The following SPOCK2 variants were observed in gnomAD, a reference collection of about 807,000 sequenced individuals.
The protein encoded by SPOCK2 is testican-2.
In SPOCK2, 39 loss-of-function variants were observed where a neutral mutation model predicts 60.1. The observed-to-expected ratio is 0.65, with a 90% confidence interval of 0.50 to 0.85. SPOCK2 has a LOEUF of 0.85. SPOCK2 is among the 40% of genes least tolerant of loss of function. SPOCK2 has a pLI of 0.00. For missense variants in SPOCK2, 523 were observed against 567.4 expected, an observed-to-expected ratio of 0.92 and a Z score of 0.80; for synonymous variants, 217 against 231.5, an observed-to-expected ratio of 0.94 and a Z score of 0.57.
rs1316365654 is a variant in SPOCK2 at position 72,061,028 on chromosome 10, T to A, written c.*1732A>T. The A allele has an allele frequency of 6.5e-6, 1 of 153,030 alleles. No individual in the cohort carries two copies. Among genetic ancestry groups the A allele is most frequent in the Non-Finnish European group, 1.5e-5 (1 of 68,330 alleles). The allele number at this position is 153,030 out of a possible 1,614,324, so 9.5% of individuals were successfully genotyped here. On this transcript the variant is annotated 3_prime_UTR_variant, in exon 11 of 11. Coordinates refer to ENST00000373109, the MANE Select transcript of SPOCK2 (RefSeq NM_001244950.2). Reference sequence around the variant, plus strand: ...TCCTCACGCTCCCAGGCCACCAGGATGGCCCCCAGGTTCACACACAGGCAC... The same window carrying A: ...TCCTCACGCTCCCAGGCCACCAGGAAGGCCCCCAGGTTCACACACAGGCAC...
intron 6 of SPOCK2, 70 bp downstream of exon 6, chr10:72,068,117 C>G: frequency 6.6e-7 from 1 of 1,520,006 alleles, no homozygotes; most frequent in East Asian, 2.4e-5. Flanking sequence ...TTCTACCACC[C>G]TAGAGCCCTG....
chr10:72,075,406 G>T (rs1316480626), intron 1 of SPOCK2, among the ~76,000 whole-genome samples: 2 of 151,924 alleles, frequency 1.3e-5, no homozygotes, highest in Non-Finnish European at 2.9e-5. Flanking sequence ...ACCTGCCCCA[G>T]AGTGGAAGTA....
In SPOCK2 at chr10:72,088,383, T is replaced by C; in HGVS notation, c.-55A>G. On this transcript the variant is annotated 5_prime_UTR_variant, in exon 1 of 11. Coordinates refer to ENST00000373109, the MANE Select transcript of SPOCK2 (RefSeq NM_001244950.2). ...TGACTTCTGCAGTATTTTAATGTCC[T>C]TCCTCCCACCCCGCTGCTGGCGAAG... 4.8e-6 allele frequency: 7 copies of C among 1,451,858 alleles called. No individual in the cohort carries two copies. Among genetic ancestry groups the C allele is most frequent in the South Asian group, 1.4e-5 (1 of 70,422 alleles). The allele number at this position is 1,451,858 out of a possible 1,614,324, so 89.9% of individuals were successfully genotyped here. A position where few individuals can be genotyped will look rare whatever the true frequency, so the allele number is the denominator to read the frequency against.
chr10:72,072,853 G>T lies in SPOCK2; in HGVS notation c.198+49C>A, dbSNP rs772024162. The stretch of plus-strand genomic sequence containing the variant: ...TGTGGAGGGACACAGGAGGGGAGGG[G>T]GTGTGCTCTGCAGAGACCACACAGA... On this transcript the variant is annotated intron_variant, in intron 2 of 10. Transcript: ENST00000373109. The T allele has an allele frequency of 3.2e-6, 5 of 1,551,674 alleles. No individual in the cohort carries two copies. The South Asian group carries it at 5.9e-5, about 18-fold the overall frequency.
rs141043756 is a variant in SPOCK2 at position 72,062,871 on chromosome 10, G to T, written c.1164C>A (p.Ser388Arg). 29 of 1,600,884 alleles carry T rather than the reference G, an allele frequency of 1.8e-5. No homozygotes were observed. In the South Asian group the frequency reaches 3.1e-4, roughly 17 times the overall value. ...CCTCCTCATCCTCCCAGCCGACACC[G>T]CTTCCAAAGTCCCCCGAGAAGCCCA... ...DIVGFSGDFG[S>R]GVGWEDEEEK... is the part of the protein sequence containing the mutation. The change falls in exon 11 of 11, where the codon AGC becomes AGA. Residue 388 changes from serine to arginine, a missense_variant. Ser to Arg is a moderately radical substitution (Grantham distance 110). Coordinates refer to ENST00000373109, the MANE Select transcript of SPOCK2 (RefSeq NM_001244950.2). The surrounding 1 kb of genome is among the most constrained non-coding windows in gnomAD (Gnocchi z 4.3).
rs539984754 is a variant in SPOCK2, at chr10:72,075,102, G to A, written c.190-2192C>T. Among the ~76,000 whole-genome samples the A allele has an allele frequency of 2.0e-5, 3 of 152,278 alleles. No homozygotes were observed. In the East Asian group the frequency reaches 5.8e-4, roughly 29 times the overall value. On this transcript the variant is annotated intron_variant, in intron 1 of 10. Coordinates refer to ENST00000373109, the MANE Select transcript of SPOCK2 (RefSeq NM_001244950.2). ...TCCCTCGTTTGCTAAAACCAACGAA[G>A]CCTTCTCCAGGAGCTCCTCAGGGTT...
Position 72,075,433 on chromosome 10 carries a change from C to A in SPOCK2, c.190-2523G>T, listed in dbSNP as rs184669573. On this transcript the variant is annotated intron_variant, in intron 1 of 10. Transcript: ENST00000373109. Reference sequence around the variant, plus strand: ...GTGGAAGTAGGGAAGGTGCCTCCAGCCCCTGGGTGTCATCTGAGGCCCCTG... The same window carrying A: ...GTGGAAGTAGGGAAGGTGCCTCCAGACCCTGGGTGTCATCTGAGGCCCCTG... Among the ~76,000 whole-genome samples, 313 of 152,302 alleles carry A rather than the reference C, an allele frequency of 2.1e-3. 2 individuals are homozygous for A. Among genetic ancestry groups the A allele is most frequent in the Non-Finnish European group, 3.6e-3 (248 of 68,014 alleles).
Position 72,067,013 on chromosome 10 carries a change from TGGC to T in SPOCK2, c.814_816del (p.Ala272del). 1.9e-6 allele frequency: 3 copies of T among 1,614,222 alleles called. No homozygotes were observed. The highest frequency in any genetic ancestry group is 2.5e-6 in the Non-Finnish European group (3 of 1,180,052). On this transcript the variant is annotated inframe_deletion, in exon 8 of 11. Coordinates refer to ENST00000373109, the MANE Select transcript of SPOCK2 (RefSeq NM_001244950.2). ...CAGACCTCGTACTTGTCCAGGTTGA[TGGC>T]GGCCAGCTCCGTCTGGTCCAGGAAG...
chr10:72,064,831 C>T (rs530497793), intron 8 of SPOCK2, among the ~76,000 whole-genome samples: 3 of 146,768 alleles, frequency 2.0e-5, no homozygotes, highest in East Asian at 2.1e-4. Context: ...CCCGGGTTCA[C>T]GCCATTCTCC....
rs955788551 is a variant in SPOCK2 at position 72,062,550 on chromosome 10, C to A, written c.*210G>T. 3.3e-6 allele frequency: 3 copies of A among 896,192 alleles called. No homozygotes were observed. In the African/African-American group the frequency reaches 5.0e-5, roughly 15 times the overall value. The allele number at this position is 896,192 out of a possible 1,614,324, so 55.5% of individuals were successfully genotyped here. A position where few individuals can be genotyped will look rare whatever the true frequency, so the allele number is the denominator to read the frequency against. The stretch of plus-strand genomic sequence containing the variant: ...TGTCAGCGCATGCCACACACACACA[C>A]ACATACACACATGCATGCACACATG... On this transcript the variant is annotated 3_prime_UTR_variant, in exon 11 of 11. Transcript: ENST00000373109. This position sits in a 1 kb window ranked among gnomAD's most constrained non-coding sequence, Gnocchi z 4.3.
In SPOCK2 at chr10:72,061,513, C is replaced by T. The variant is rs948595347; in HGVS notation, c.*1247G>A. 2 of 152,836 alleles carry T rather than the reference C, an allele frequency of 1.3e-5. No individual in the cohort carries two copies. Among genetic ancestry groups the T allele is most frequent in the Non-Finnish European group, 2.9e-5 (2 of 68,578 alleles). The allele number at this position is 152,836 out of a possible 1,614,324, so 9.5% of individuals were successfully genotyped here. A position where few individuals can be genotyped will look rare whatever the true frequency, so the allele number is the denominator to read the frequency against. On this transcript the variant is annotated 3_prime_UTR_variant, in exon 11 of 11. Coordinates refer to ENST00000373109, the MANE Select transcript of SPOCK2 (RefSeq NM_001244950.2). The stretch of plus-strand genomic sequence containing the variant: ...GTCTCAGAGTGCGGAAAGGCTGCAG[C>T]TTTCGGCAGCTGCTTCTCTCCGGGG...
intron 1 of SPOCK2, chr10:72,086,684 C>A: frequency 7.7e-7 from 1 of 1,306,984 alleles, no homozygotes; most frequent in Non-Finnish European, 9.8e-7. Context: ...GCATGTGGGG[C>A]GAAGGCGGAG....
At chr10:72,077,681 T>G (rs2131819664) in intron 1 of SPOCK2, among the ~76,000 whole-genome samples, 1 of 152,286 alleles carries the variant, frequency 6.6e-6, no homozygotes. Flanking sequence ...TCTTCCTCCC[T>G]CCGAGGGTGC....
chr10:72,073,999 G>A (rs975439694), intron 1 of SPOCK2, among the ~76,000 whole-genome samples: 1 of 152,244 alleles, frequency 6.6e-6, no homozygotes, highest in East Asian at 1.9e-4. Flanking sequence ...GGGGCTCCAG[G>A]AGGGGCTCTG....
At chr10:72,072,870 C>T (rs1840668648) in intron 2 of SPOCK2, 32 bp downstream of exon 2, 5 of 1,552,470 alleles carry the variant, frequency 3.2e-6, no homozygotes, top group East Asian at 4.9e-5. Context: ...TCTGCAGAGA[C>T]CACACAGAGT....
chr10:72,077,403 T>C (rs1840727392), intron 1 of SPOCK2, among the ~76,000 whole-genome samples: 1 of 152,188 alleles, frequency 6.6e-6, no homozygotes, highest in Admixed American at 6.5e-5. Context: ...GCACTGGGGT[T>C]ACAGGCATGA....
In SPOCK2 at chr10:72,062,391, G is replaced by A. The variant is rs1055051773; in HGVS notation, c.*369C>T. 2.2e-5 allele frequency: 5 copies of A among 224,836 alleles called. No individual in the cohort carries two copies. The highest frequency in any genetic ancestry group is 3.4e-5 in the Non-Finnish European group (4 of 116,436). The allele number at this position is 224,836 out of a possible 1,614,324, so 13.9% of individuals were successfully genotyped here. Reference sequence around the variant, plus strand: ...TGGGGGATCTCATTTCATGGATTTTGACCTGTCAATTTGTATTTGTGTGTG... The same window carrying A: ...TGGGGGATCTCATTTCATGGATTTTAACCTGTCAATTTGTATTTGTGTGTG... On this transcript the variant is annotated 3_prime_UTR_variant, in exon 11 of 11. Coordinates refer to ENST00000373109, the MANE Select transcript of SPOCK2 (RefSeq NM_001244950.2). This position sits in a 1 kb window ranked among gnomAD's most constrained non-coding sequence, Gnocchi z 4.3.
intron 9 of SPOCK2, 80 bp from the exon 10 acceptor site, chr10:72,063,242 T>G: frequency 1.3e-6 from 2 of 1,530,406 alleles, no homozygotes; most frequent in South Asian, 2.4e-5. Context: ...CAGGTCCTCA[T>G]GCATGAGCAG....
chr10:72,074,948 A>G (rs1029061363), intron 1 of SPOCK2, among the ~76,000 whole-genome samples: 1 of 151,732 alleles, frequency 6.6e-6, no homozygotes, highest in African/African-American at 2.4e-5. Context: ...GAGCAGACAG[A>G]GGAAGGCTGC....
Sources: gnomAD v4.1 joint callset for allele counts (sites outside exome capture counted in the v4.1 genomes callset) on GRCh38, gnomAD v4.1.1 for gene constraint, Gnocchi (gnomAD v3.1) non-coding constraint, MANE v1.5 for transcripts, NCBI Gene and HGNC (gene_info 2026-07-23, HGNC 2026-07-21) for gene names.